The following ERBB4 variants were observed in gnomAD, a reference collection of about 807,000 sequenced individuals.
ERBB4 encodes receptor tyrosine-protein kinase erbB-4.
In ERBB4, 42 loss-of-function variants were observed where a neutral mutation model predicts 158.0. The ratio of observed to expected loss-of-function variants is 0.27; its 90% CI spans 0.21 to 0.34. ERBB4 has a LOEUF of 0.34. Among genes scored for constraint, ERBB4 ranks in the 10% least tolerant of loss-of-function variants. The probability of loss-of-function intolerance (pLI) is 1.00; values close to 1 mark genes in which losing one functional copy is unlikely to be tolerated. For missense variants in ERBB4, 1,333 were observed against 1,624.1 expected (o/e 0.82, Z 3.08); for synonymous variants, 583 against 558.7 (o/e 1.04, Z -0.61).
intron 1 of ERBB4, among the ~76,000 whole-genome samples, chr2:212,324,100 C>T (rs1048479049): frequency 6.6e-6 from 1 of 150,626 alleles, no homozygotes; most frequent in East Asian, 1.9e-4. Flanking sequence ...CCCTCTCCTG[C>T]TGGATGTGAA....
intron 20 of ERBB4, among the ~76,000 whole-genome samples, chr2:211,477,038 G>T (rs115178473): frequency 0.011 from 1,639 of 152,164 alleles, 31 homozygotes; most frequent in African/African-American, 0.037. Context: ...TTTTCTAAAG[G>T]TGTTTTTGGA....
At chr2:211,951,483 T>G (rs192853110) in intron 2 of ERBB4, among the ~76,000 whole-genome samples, 12 of 152,282 alleles carry the variant, frequency 7.9e-5, no homozygotes. Flanking sequence ...CTCCAAGTGC[T>G]CTTATTTACT....
chr2:211,912,669 T>C (rs1032931447), intron 3 of ERBB4, among the ~76,000 whole-genome samples: 19 of 152,160 alleles, frequency 1.2e-4, no homozygotes, highest in Non-Finnish European at 2.8e-4. Context: ...TTTGACATAA[T>C]TTGAAATGGC....
intron 1 of ERBB4, among the ~76,000 whole-genome samples, chr2:212,272,762 TCTA>T (rs1403661214): frequency 3.9e-5 from 6 of 151,950 alleles, no homozygotes; most frequent in Admixed American, 1.3e-4. Flanking sequence ...GTAGAAAGAT[TCTA>T]CTGTTTTTTA....
intron 1 of ERBB4, among the ~76,000 whole-genome samples, chr2:212,497,189 A>C (rs57387148): frequency 0.33 from 49,836 of 150,926 alleles, 11,835 homozygotes; most frequent in African/African-American, 0.68. Flanking sequence ...AAAAAAAAAA[A>C]AAAAAAAACC....
chr2:212,414,987 T>C (rs993203017), intron 1 of ERBB4, among the ~76,000 whole-genome samples: 2 of 152,214 alleles, frequency 1.3e-5, no homozygotes, highest in Non-Finnish European at 2.9e-5. Flanking sequence ...AACCTGATGC[T>C]AATTCAACTA....
At chr2:212,208,893 C>A (rs1170944296) in intron 1 of ERBB4, among the ~76,000 whole-genome samples, 8 of 152,176 alleles carry the variant, frequency 5.3e-5, no homozygotes, top group African/African-American at 1.9e-4. Flanking sequence ...GACCTTTATT[C>A]TTTTTTATTC....
intron 1 of ERBB4, among the ~76,000 whole-genome samples, chr2:212,265,701 T>C (rs757921034): frequency 3.3e-5 from 5 of 152,064 alleles, no homozygotes; most frequent in East Asian, 1.9e-4. Flanking sequence ...AAAGCTGAAT[T>C]TGCAAAATAT....
intron 3 of ERBB4, among the ~76,000 whole-genome samples, chr2:211,909,565 G>A (rs2079488352): frequency 6.6e-6 from 1 of 151,752 alleles, no homozygotes. Context: ...GCAAGTATTT[G>A]TGTATCTAAT....
At position 212,386,584 on chromosome 2, in the gene ERBB4, A is replaced by AAC. The variant is rs911003354; in HGVS notation, c.82+151864_82+151865insGT. Among the ~76,000 whole-genome samples the AAC allele has an allele frequency of 4.6e-5, 7 of 151,966 alleles. No individual in the cohort carries two copies. In the South Asian group the frequency reaches 6.2e-4, roughly 14 times the overall value. ...TTCCTTTCTTTCTTAAAAAAAAAAA[A>AAC]AAAAACCCATTAACTTTCATTACCT... On this transcript the variant is annotated intron_variant, in intron 1 of 27. Coordinates refer to ENST00000342788, the MANE Select transcript of ERBB4 (RefSeq NM_005235.3).
intron 3 of ERBB4, among the ~76,000 whole-genome samples, chr2:211,925,758 T>G (rs2080003194): frequency 6.6e-6 from 1 of 152,180 alleles, no homozygotes. Flanking sequence ...ACATTTTGTT[T>G]TAACAATATG....
chr2:212,119,770 CAGA>C lies in ERBB4; in HGVS notation c.234+4979_234+4981del, dbSNP rs562143836. Reference sequence around the variant, plus strand: ...AGAAAGCTGGCATGAAAGGTGTTTACAGAGATAAGCATCAAGATTGCTGTAATA... The same window carrying C: ...AGAAAGCTGGCATGAAAGGTGTTTACGATAAGCATCAAGATTGCTGTAATA... On this transcript the variant is annotated intron_variant, in intron 2 of 27. Transcript: ENST00000342788. Among the ~76,000 whole-genome samples, 152 of 152,144 alleles carry C rather than the reference CAGA, an allele frequency of 1.0e-3. 3 individuals are homozygous for C. In the South Asian group the frequency reaches 0.024, roughly 24 times the overall value.
chr2:211,736,827 A>G (rs566903481), intron 5 of ERBB4, among the ~76,000 whole-genome samples: 1 of 152,284 alleles, frequency 6.6e-6, no homozygotes, highest in Non-Finnish European at 1.5e-5. Flanking sequence ...GGGCCAATAC[A>G]AAACAACTTT....
rs71054137 is a variant in ERBB4 at position 211,721,620 on chromosome 2, CATATATATATAT to C, written c.883+761_883+772del. On this transcript the variant is annotated intron_variant, in intron 7 of 27. Coordinates refer to ENST00000342788, the MANE Select transcript of ERBB4 (RefSeq NM_005235.3). ...TATTTAAGGTTAATTTGCTATTAAA[CATATATATATAT>C]ATATATATATATACATGTTTTGTTT... Among the ~76,000 whole-genome samples the C allele has an allele frequency of 1.2e-4, 16 of 131,898 alleles. No homozygotes were observed. The East Asian group carries it at 2.5e-3, about 20-fold the overall frequency. The allele number at this position is 131,898 out of a possible 152,430, so 86.5% of individuals were successfully genotyped here. A position where few individuals can be genotyped will look rare whatever the true frequency, so the allele number is the denominator to read the frequency against.
intron 1 of ERBB4, among the ~76,000 whole-genome samples, chr2:212,378,528 C>G (rs1428386976): frequency 6.6e-6 from 1 of 151,854 alleles, no homozygotes; most frequent in African/African-American, 2.4e-5. Context: ...GTACCATCTT[C>G]TGGGAAATCA....
intron 1 of ERBB4, among the ~76,000 whole-genome samples, chr2:212,419,174 T>C (rs993692384): frequency 2.0e-5 from 3 of 151,746 alleles, no homozygotes; most frequent in Admixed American, 6.6e-5. Context: ...CAAATTGCTA[T>C]AGAAAAACTG....
Position 212,124,838 on chromosome 2 carries a change from G to T in ERBB4, c.148C>A (p.Arg50Ser). Reference sequence around the variant, plus strand: ...ACCTCACAGTTTTCATAGTACTTGCGCAAGGCTCGGTACTGCTGTTCCAGG... The same window carrying T: ...ACCTCACAGTTTTCATAGTACTTGCTCAAGGCTCGGTACTGCTGTTCCAGG... Reference protein sequence around the residue: ...SDLEQQYRALRKYYENCEVVM... With the variant: ...SDLEQQYRALSKYYENCEVVM... The change falls in exon 2 of 28, where the codon CGC (arginine) becomes AGC (serine). Residue 50 changes from arginine to serine, a missense_variant. Coordinates refer to ENST00000342788, the MANE Select transcript of ERBB4 (RefSeq NM_005235.3). 1 of 1,614,100 alleles carries T rather than the reference G, an allele frequency of 6.2e-7. No homozygotes were observed. The highest frequency in any genetic ancestry group is 1.1e-5 in the South Asian group (1 of 91,072).
rs16847154 is a variant in ERBB4, at chr2:211,872,380, T to C, written c.421+75050A>G. On this transcript the variant is annotated intron_variant, in intron 3 of 27. Coordinates refer to ENST00000342788, the MANE Select transcript of ERBB4 (RefSeq NM_005235.3). ...ATTATGTGTGTACCTATGTATGGTT[T>C]TGAGTGGAAGCCTATGCAAATGTCA... is the stretch of plus-strand genomic sequence containing the variant. Among the ~76,000 whole-genome samples the C allele has an allele frequency of 0.022, 3,348 of 152,264 alleles. 256 individuals are homozygous for C. In the East Asian group the frequency reaches 0.24, roughly 11 times the overall value.
intron 2 of ERBB4, among the ~76,000 whole-genome samples, chr2:212,095,550 A>G (rs1171252830): frequency 6.6e-6 from 1 of 152,232 alleles, no homozygotes; most frequent in Non-Finnish European, 1.5e-5. Context: ...AAGAACAGAG[A>G]AAAAGGCTTG....
Sources: allele counts gnomAD v4.1 joint callset (sites outside exome capture counted in the v4.1 genomes callset), GRCh38; gene constraint gnomAD v4.1.1; transcripts MANE v1.5; gene names NCBI Gene and HGNC (gene_info 2026-07-23, HGNC 2026-07-21).